Variants in MAML2 observed in about 807,000 individuals in gnomAD.
MAML2 encodes mastermind-like protein 2.
Under a neutral mutation model 96.1 loss-of-function variants are expected in MAML2, and 22 were observed. The observed-to-expected ratio is 0.23, with a 90% CI of 0.16 to 0.33. The LOEUF (loss-of-function observed/expected upper bound fraction) is 0.33. Ranked by LOEUF, MAML2 falls within the 10% of genes least tolerant of loss-of-function variation. The pLI is 1.00. For missense variants in MAML2, 1,367 were observed against 1,392.4 expected (o/e 0.98, Z 0.29); for synonymous variants, 561 against 521.3 (o/e 1.08, Z -1.04).
chr11:96,056,972 G>A (rs963724166), intron 2 of MAML2, among the ~76,000 whole-genome samples: 5 of 152,190 alleles, frequency 3.3e-5, no homozygotes, highest in African/African-American at 1.2e-4. Flanking sequence ...GTTGTTTGGT[G>A]TATTGATCTA....
chr11:96,150,653 T>G (rs925471556), intron 1 of MAML2, among the ~76,000 whole-genome samples: 2 of 152,144 alleles, frequency 1.3e-5, no homozygotes, highest in African/African-American at 4.8e-5. Flanking sequence ...GAGTCATTAA[T>G]GAGCGACCCA....
intron 1 of MAML2, among the ~76,000 whole-genome samples, chr11:96,225,422 A>G (rs1327574518): frequency 1.3e-5 from 2 of 152,198 alleles, no homozygotes; most frequent in Admixed American, 1.3e-4. Context: ...CTTGACTGCT[A>G]CCTCAGGAGA....
chr11:96,115,619 G>A (rs1860222360), intron 1 of MAML2, among the ~76,000 whole-genome samples: 1 of 152,132 alleles, frequency 6.6e-6, no homozygotes, highest in Non-Finnish European at 1.5e-5. Context: ...ATACCTCTGT[G>A]CTGGGCTCTG....
At chr11:96,085,107 A>T (rs972115450) in intron 2 of MAML2, among the ~76,000 whole-genome samples, 4 of 152,206 alleles carry the variant, frequency 2.6e-5, no homozygotes, top group African/African-American at 9.7e-5. Flanking sequence ...CATTGCATCA[A>T]ATGCAAACAT....
chr11:96,264,427 T>G (rs1862797526), intron 1 of MAML2, among the ~76,000 whole-genome samples: 1 of 152,236 alleles, frequency 6.6e-6, no homozygotes, highest in African/African-American at 2.4e-5. Context: ...ATAACCCATT[T>G]GAACACAATA....
chr11:96,039,963 C>CAA (rs67545681), intron 2 of MAML2, among the ~76,000 whole-genome samples: 40 of 104,538 alleles, frequency 3.8e-4, no homozygotes, highest in South Asian at 6.1e-4. Context: ...GACTCTGTCT[C>CAA]AAAAAAAAAA....
chr11:96,060,426 G>A (rs1859136502), intron 2 of MAML2, among the ~76,000 whole-genome samples: 1 of 151,736 alleles, frequency 6.6e-6, no homozygotes, highest in South Asian at 2.1e-4. Context: ...CGTGGATCCG[G>A]ACTTGTTAGA....
At chr11:96,080,560 C>G (rs562549812) in intron 2 of MAML2, among the ~76,000 whole-genome samples, 1 of 152,224 alleles carries the variant, frequency 6.6e-6, no homozygotes, top group South Asian at 2.1e-4. Context: ...AAGGTAAAAT[C>G]CTTAGCAGCA....
intron 1 of MAML2, among the ~76,000 whole-genome samples, chr11:96,153,048 A>G (rs530578560): frequency 2.0e-5 from 3 of 152,358 alleles, no homozygotes; most frequent in Admixed American, 1.3e-4. Flanking sequence ...GGAGCCAGCC[A>G]GAAGAAAAAT....
chr11:96,111,199 C>A (rs4753727), intron 1 of MAML2, among the ~76,000 whole-genome samples: 2 of 152,096 alleles, frequency 1.3e-5, no homozygotes, highest in Non-Finnish European at 2.9e-5. Context: ...TGCTTCCCAT[C>A]ATATTTTTAA....
At chr11:96,305,598 A>C (rs923398415) in intron 1 of MAML2, among the ~76,000 whole-genome samples, 2 of 152,240 alleles carry the variant, frequency 1.3e-5, no homozygotes, top group Non-Finnish European at 2.9e-5. Flanking sequence ...ACTATATGAA[A>C]AAACTTTGGC....
chr11:96,029,596 T>C (rs550095709), intron 2 of MAML2, among the ~76,000 whole-genome samples: 1 of 152,326 alleles, frequency 6.6e-6, no homozygotes, highest in African/African-American at 2.4e-5. Context: ...CGGATGGTAC[T>C]AGGAGGAAAT....
intron 1 of MAML2, among the ~76,000 whole-genome samples, chr11:96,183,402 C>G (rs537855735): frequency 9.7e-5 from 5 of 51,430 alleles, no homozygotes; most frequent in South Asian, 1.2e-3. Flanking sequence ...CTCCCCCCCC[C>G]CCCTTTCTTT....
chr11:96,254,834 T>G lies in MAML2; in HGVS notation c.513+86549A>C, dbSNP rs116155993. Among the ~76,000 whole-genome samples the G allele has an allele frequency of 2.4e-4, 36 of 152,290 alleles. No individual in the cohort carries two copies. The South Asian group carries it at 7.5e-3, about 32-fold the overall frequency. On this transcript the variant is annotated intron_variant, in intron 1 of 4. Transcript: ENST00000524717. ...GCTCCTTTTTTTATTTTTTATTTATTTTTTGAGACAGGGTCTCACTGTGTC... is the reference window on the plus strand; with the variant it reads ...GCTCCTTTTTTTATTTTTTATTTATGTTTTGAGACAGGGTCTCACTGTGTC...
At position 96,092,378 on chromosome 11, in the gene MAML2, G is replaced by A; in HGVS notation, c.1653C>T (p.Pro551=). Residue 551 remains proline (P), a synonymous_variant, in exon 2 of 5, where the codon CCC becomes CCT. Transcript: ENST00000524717. This position sits in a 1 kb window ranked among gnomAD's most constrained non-coding sequence, Gnocchi z 4.1. ...ACAAAGGCTTGGTGTTGCCCTGACG[G>A]GGCTCCATGGCTGGGTGCGGGTTGT... ...FINNPHPAME[P]RQGNTKPLFH... 6.2e-7 allele frequency: 1 copy of A among 1,613,906 alleles called. No homozygotes were observed. Among genetic ancestry groups the A allele is most frequent in the South Asian group, 1.1e-5 (1 of 91,062 alleles).
intron 2 of MAML2, among the ~76,000 whole-genome samples, chr11:96,005,720 G>T (rs534630941): frequency 6.6e-6 from 1 of 152,126 alleles, no homozygotes; most frequent in African/African-American, 2.4e-5. Context: ...CAAGGCATAA[G>T]GTAGAACTAT....
At chr11:96,209,619 A>G (rs1049990148) in intron 1 of MAML2, among the ~76,000 whole-genome samples, 1 of 112,006 alleles carries the variant, frequency 8.9e-6, no homozygotes, top group African/African-American at 3.2e-5. Flanking sequence ...AAAGCAAAGT[A>G]TCAAGAAAAA....
intron 1 of MAML2, 99 bp downstream of exon 1, chr11:96,341,284 T>C: frequency 7.3e-7 from 1 of 1,376,864 alleles, no homozygotes; most frequent in Non-Finnish European, 9.7e-7. Flanking sequence ...ATCTTGGCCT[T>C]TTTCATTGCC....
intron 3 of MAML2, 144 bp downstream of exon 3, chr11:95,991,376 A>G: frequency 1.3e-6 from 1 of 763,648 alleles, no homozygotes; most frequent in Non-Finnish European, 2.2e-6. Context: ...GCAGTACACT[A>G]AATGTATGGA....
Sources: allele counts gnomAD v4.1 joint callset (sites outside exome capture counted in the v4.1 genomes callset), GRCh38; gene constraint gnomAD v4.1.1; non-coding constraint Gnocchi (gnomAD v3.1); transcripts MANE v1.5; gene names NCBI Gene and HGNC (gene_info 2026-07-23, HGNC 2026-07-21).